The following GPC6 variants were observed in gnomAD, a reference collection of about 807,000 sequenced individuals.
The protein encoded by GPC6 is glypican-6.
A neutral mutation model predicts 55.2 loss-of-function variants in GPC6; 14 were observed. That is an observed-to-expected ratio of 0.25 (90% confidence interval 0.17 to 0.40). The LOEUF is 0.40. Among genes scored for constraint, GPC6 ranks in the 10% least tolerant of loss-of-function variants. The pLI, the probability that GPC6 is intolerant of heterozygous loss-of-function variation, is 1.00. For synonymous variants in GPC6, 278 were observed against 259.6 expected (o/e 1.07, Z -0.68); for missense variants, 641 against 708.5 (o/e 0.90, Z 1.08).
chr13:93,714,646 A>G (rs1191801560), intron 2 of GPC6, among the ~76,000 whole-genome samples: 1 of 151,842 alleles, frequency 6.6e-6, no homozygotes, highest in East Asian at 2.0e-4. Context: ...TGAGGGGGTC[A>G]TGGGAGATGG....
chr13:93,893,598 T>G (rs1246275766), intron 3 of GPC6, among the ~76,000 whole-genome samples: 1 of 152,126 alleles, frequency 6.6e-6, no homozygotes. Context: ...TCACCTAATA[T>G]TACTGTTATT....
intron 1 of GPC6, among the ~76,000 whole-genome samples, chr13:93,384,453 G>C (rs1310459171): frequency 6.6e-6 from 1 of 151,760 alleles, no homozygotes; most frequent in Non-Finnish European, 1.5e-5. Flanking sequence ...AACGTGATTG[G>C]ATCGATGAAT....
At chr13:93,866,555 C>A (rs1196160102) in intron 3 of GPC6, among the ~76,000 whole-genome samples, 1 of 151,730 alleles carries the variant, frequency 6.6e-6, no homozygotes, top group South Asian at 2.1e-4. Context: ...AGAACAAGAT[C>A]ATTTCATTTG....
chr13:93,955,287 A>T (rs556314140), intron 3 of GPC6, among the ~76,000 whole-genome samples: 108 of 135,486 alleles, frequency 8.0e-4, no homozygotes, highest in Middle Eastern at 3.8e-3. Context: ...ACACACACAC[A>T]CCTGCCAAAC....
At position 93,347,964 on chromosome 13, in the gene GPC6, T is replaced by C. The variant is rs1017111541; in HGVS notation, c.160+120348T>C. Among the ~76,000 whole-genome samples the C allele has an allele frequency of 1.3e-5, 2 of 152,210 alleles. 1 individual carries two copies. The highest frequency in any genetic ancestry group is 1.3e-4 in the Admixed American group (2 of 15,278). On this transcript the variant is annotated intron_variant, in intron 1 of 8. Transcript: ENST00000377047. ...AGGTTCTGTTTTGCAGGATGCACAA[T>C]GCCTTCCCCAAGTAAAGATCCTGAG... is the stretch of plus-strand genomic sequence containing the variant.
intron 4 of GPC6, among the ~76,000 whole-genome samples, chr13:94,091,908 T>TG (rs1885495090): frequency 4.0e-5 from 6 of 148,392 alleles, no homozygotes; most frequent in East Asian, 2.0e-4. Context: ...GTGTGTGTGT[T>TG]TGTGTGTGTG....
At chr13:93,401,509 TTTAGA>T (rs1328980717) in intron 1 of GPC6, among the ~76,000 whole-genome samples, 1 of 144,658 alleles carries the variant, frequency 6.9e-6, no homozygotes. Context: ...ATTAAGTCAA[TTTAGA>T]TTAGGTTGCA....
At chr13:93,311,380 A>G (rs1879062114) in intron 1 of GPC6, among the ~76,000 whole-genome samples, 1 of 152,080 alleles carries the variant, frequency 6.6e-6, no homozygotes, top group Non-Finnish European at 1.5e-5. Context: ...TTCTTCTCCC[A>G]ATCCCCCTGT....
At chr13:93,900,585 A>T (rs977752898) in intron 3 of GPC6, among the ~76,000 whole-genome samples, 1 of 152,144 alleles carries the variant, frequency 6.6e-6, no homozygotes, top group Admixed American at 6.5e-5. Flanking sequence ...GTTCTTCCCT[A>T]ACCTTTATGT....
intron 4 of GPC6, among the ~76,000 whole-genome samples, chr13:94,182,372 T>A (rs1161983955): frequency 6.6e-6 from 1 of 152,182 alleles, no homozygotes; most frequent in Non-Finnish European, 1.5e-5. Flanking sequence ...TGATTCCAGG[T>A]GTTGGGACTA....
chr13:93,805,361 A>C (rs1158690604), intron 2 of GPC6, among the ~76,000 whole-genome samples: 1 of 152,162 alleles, frequency 6.6e-6, no homozygotes, highest in Non-Finnish European at 1.5e-5. Flanking sequence ...CTCTATCACC[A>C]AGTCATCTTT....
At chr13:93,587,749 G>A (rs1877273595) in intron 2 of GPC6, among the ~76,000 whole-genome samples, 1 of 152,064 alleles carries the variant, frequency 6.6e-6, no homozygotes, top group Middle Eastern at 3.2e-3. Context: ...GGCTTTCTAG[G>A]GCTCTTTAAC....
intron 1 of GPC6, among the ~76,000 whole-genome samples, chr13:93,532,299 A>T (rs911409911): frequency 1.3e-5 from 2 of 152,098 alleles, no homozygotes; most frequent in Non-Finnish European, 2.9e-5. Flanking sequence ...GGTGCTGAGA[A>T]ATACAATGAA....
chr13:93,768,374 C>T (rs895566330), intron 2 of GPC6, among the ~76,000 whole-genome samples: 11 of 152,190 alleles, frequency 7.2e-5, no homozygotes, highest in Admixed American at 1.3e-4. Flanking sequence ...TTCCATAGCA[C>T]GTACAGTTGT....
Position 94,239,406 on chromosome 13 carries a change from A to T in GPC6, c.878-46943A>T, listed in dbSNP as rs528414043. On this transcript the variant is annotated intron_variant, in intron 4 of 8. Coordinates refer to ENST00000377047, the MANE Select transcript of GPC6 (RefSeq NM_005708.5). Reference sequence around the variant, plus strand: ...GTTAAATAATTTGTATTTGAGCATAACTGTTTTTCTGTGACAACTGGAATA... The same window carrying T: ...GTTAAATAATTTGTATTTGAGCATATCTGTTTTTCTGTGACAACTGGAATA... Among the ~76,000 whole-genome samples the T allele has an allele frequency of 5.1e-4, 78 of 152,154 alleles. 1 individual carries two copies. The highest frequency in any genetic ancestry group is 3.9e-4 in the Admixed American group (6 of 15,262).
At chr13:93,522,227 T>A (rs1281295820) in intron 1 of GPC6, among the ~76,000 whole-genome samples, 2 of 151,986 alleles carry the variant, frequency 1.3e-5, no homozygotes, top group African/African-American at 2.4e-5. Flanking sequence ...AGATAATTGA[T>A]AGCAATGCAA....
At chr13:94,183,711 C>G (rs1218075338) in intron 4 of GPC6, among the ~76,000 whole-genome samples, 1 of 152,176 alleles carries the variant, frequency 6.6e-6, no homozygotes, top group Non-Finnish European at 1.5e-5. Flanking sequence ...TTTCTCCACA[C>G]CCTTGCCAAC....
At chr13:94,035,735 G>C (rs1883311180) in intron 4 of GPC6, among the ~76,000 whole-genome samples, 2 of 152,024 alleles carry the variant, frequency 1.3e-5, no homozygotes, top group African/African-American at 4.8e-5. Flanking sequence ...TTTTAATCAT[G>C]AAAGTGTTAA....
intron 2 of GPC6, among the ~76,000 whole-genome samples, chr13:93,689,083 A>G (rs1341303511): frequency 1.3e-5 from 2 of 151,996 alleles, no homozygotes; most frequent in African/African-American, 2.4e-5. Context: ...TACTTCAGGG[A>G]GTTATTTTCT....
Sources: allele counts gnomAD v4.1 joint callset (sites outside exome capture counted in the v4.1 genomes callset), GRCh38; gene constraint gnomAD v4.1.1; transcripts MANE v1.5; gene names NCBI Gene and HGNC (gene_info 2026-07-23, HGNC 2026-07-21).